Variants in MYH15 observed in about 807,000 individuals in gnomAD.
MYH15 encodes the protein myosin-15.
MYH15 carries 227 observed loss-of-function variants against 240.5 expected under a neutral mutation model. That is an observed-to-expected ratio of 0.94 (90% CI 0.85 to 1.05). The LOEUF (loss-of-function observed/expected upper bound fraction) is 1.05. Ranked by LOEUF, MYH15 falls within the 50% of genes least tolerant of loss-of-function variation. The pLI is 0.00. For synonymous variants in MYH15, 785 were observed against 796.7 expected, an observed-to-expected ratio of 0.99 and a Z score of 0.25; for missense variants, 2,217 against 2,247.5, an observed-to-expected ratio of 0.99 and a Z score of 0.27.
the MYH15 span, among the ~76,000 whole-genome samples, chr3:108,538,953 C>T: frequency 2.0e-5 from 3 of 152,272 alleles, no homozygotes; most frequent in East Asian, 1.9e-4. Flanking sequence ...CAAGAGGGAA[C>T]TGTTCTCACT....
intron 37 of MYH15, 113 bp from the exon 38 acceptor site, chr3:108,389,187 C>T: frequency 1.1e-6 from 1 of 869,862 alleles, no homozygotes; most frequent in South Asian, 1.7e-5. Context: ...CATGCACACA[C>T]TGTTTTTGGT....
At chr3:108,447,050 T>C (rs1056413204) in intron 21 of MYH15, among the ~76,000 whole-genome samples, 24 of 151,810 alleles carry the variant, frequency 1.6e-4, no homozygotes, top group Non-Finnish European at 2.9e-5. Flanking sequence ...AAGAACCACA[T>C]AGAAATTCTG....
chr3:108,465,908 CAGAG>C lies in MYH15; in HGVS notation c.1555-1098_1555-1095del, dbSNP rs1455384299. ...CACCATTGCACTCCAGCTTGAGCAA[CAGAG>C]AGAGACTCTGTCTCAAAAAACAAAA... On this transcript the variant is annotated intron_variant, in intron 14 of 40. Coordinates refer to ENST00000693548, the MANE Select transcript of MYH15 (RefSeq NM_014981.3). Among the ~76,000 whole-genome samples, 9 of 152,024 alleles carry C rather than the reference CAGAG, an allele frequency of 5.9e-5. No individual in the cohort carries two copies. In the East Asian group the frequency reaches 1.5e-3, roughly 26 times the overall value.
At position 108,469,147 on chromosome 3, in the gene MYH15, G is replaced by A. The variant is rs534299123; in HGVS notation, c.1554+895C>T. Among the ~76,000 whole-genome samples the A allele has an allele frequency of 8.5e-5, 13 of 152,338 alleles. No individual in the cohort carries two copies. The South Asian group carries it at 2.5e-3, about 29-fold the overall frequency. On this transcript the variant is annotated intron_variant, in intron 14 of 40. Transcript: ENST00000693548. ...GATCTAAAGCCTAATAAATGAAATTGATAGGACACGGATTGATAAAACCCA... is the reference window on the plus strand; with the variant it reads ...GATCTAAAGCCTAATAAATGAAATTAATAGGACACGGATTGATAAAACCCA...
At chr3:108,388,012 T>C (rs1052533429) in intron 38 of MYH15, among the ~76,000 whole-genome samples, 1 of 152,216 alleles carries the variant, frequency 6.6e-6, no homozygotes, top group African/African-American at 2.4e-5. Flanking sequence ...TCAAAGAAGC[T>C]GTAAAAATGG....
At chr3:108,447,745 A>G (rs1395144948) in intron 21 of MYH15, among the ~76,000 whole-genome samples, 1 of 152,176 alleles carries the variant, frequency 6.6e-6, no homozygotes, top group African/African-American at 2.4e-5. Flanking sequence ...AGTTGAAACA[A>G]AAGGATGCTA....
chr3:108,427,690 G>C (rs1392651593), intron 27 of MYH15, among the ~76,000 whole-genome samples: 1 of 151,558 alleles, frequency 6.6e-6, no homozygotes, highest in Non-Finnish European at 1.5e-5. Flanking sequence ...TTTCTACTCA[G>C]TATGGTATTT....
At chr3:108,453,980 T>TG (rs1560382238) in intron 21 of MYH15, 26 bp downstream of exon 21, 1 of 1,601,860 alleles carries the variant, frequency 6.2e-7, no homozygotes, top group South Asian at 1.1e-5. Flanking sequence ...CCCTAGCAGT[T>TG]GGGGAGCAGG....
intron 37 of MYH15, among the ~76,000 whole-genome samples, chr3:108,390,845 T>A (rs1439548419): frequency 6.6e-6 from 1 of 152,232 alleles, no homozygotes; most frequent in African/African-American, 2.4e-5. Flanking sequence ...GATTTTCCAA[T>A]CAAAACAACT....
At chr3:108,511,150 C>A (rs1052506368), upstream of MYH15, among the ~76,000 whole-genome samples, 2 of 151,884 alleles carry the variant, frequency 1.3e-5, no homozygotes, top group Admixed American at 1.3e-4. Context: ...ATCTAATTAC[C>A]CCCAAGCAGA....
chr3:108,404,173 A>G (rs556397847), intron 33 of MYH15, among the ~76,000 whole-genome samples: 32 of 152,284 alleles, frequency 2.1e-4, no homozygotes, highest in African/African-American at 7.2e-4. Flanking sequence ...AATGCCAGTG[A>G]GTGAGAGCAA....
At chr3:108,383,781 TG>T in intron 39 of MYH15, 52 bp from the exon 40 acceptor site, 1 of 1,411,828 alleles carries the variant, frequency 7.1e-7, no homozygotes, top group African/African-American at 1.5e-5. Context: ...TATAGTCAGG[TG>T]TTTTTTTTTT....
intron 32 of MYH15, 70 bp downstream of exon 32, chr3:108,408,210 C>T: frequency 1.3e-6 from 2 of 1,504,310 alleles, no homozygotes; most frequent in Non-Finnish European, 9.0e-7. Context: ...GTTGGTGCTG[C>T]TGTTATTGCT....
intron 1 of MYH15, among the ~76,000 whole-genome samples, chr3:108,517,826 G>A (rs764963778): frequency 3.9e-5 from 6 of 152,102 alleles, no homozygotes; most frequent in Non-Finnish European, 7.3e-5. Context: ...TAGGATCTGT[G>A]GATTAAAAGA....
rs1299210835 is a variant in MYH15 at position 108,428,524 on chromosome 3, G to A, written c.3670C>T (p.Leu1224=). The A allele has an allele frequency of 1.2e-6, 2 of 1,614,042 alleles. No individual in the cohort carries two copies. The highest frequency in any genetic ancestry group is 2.2e-5 in the South Asian group (2 of 91,070). ...SDLQLEVDDL[L]TRVEQMTRAK... is the part of the protein sequence containing the mutation. The stretch of plus-strand genomic sequence containing the variant: ...CTTGTCATCTGCTCAACACGGGTCA[G>A]GAGGTCATCTACTTCTAGCTGCAAG... Residue 1224 remains leucine, a synonymous_variant, in exon 27 of 41, where the codon CTG becomes TTG. Coordinates refer to ENST00000693548, the MANE Select transcript of MYH15 (RefSeq NM_014981.3).
the MYH15 span, chr3:108,543,625 G>A: frequency 1.3e-5 from 2 of 152,328 alleles, no homozygotes; most frequent in African/African-American, 4.8e-5. Context: ...TCACCGTGTG[G>A]ATGCTGGCCA....
chr3:108,445,822 T>C (rs1203537109), intron 21 of MYH15, among the ~76,000 whole-genome samples: 1 of 144,842 alleles, frequency 6.9e-6, no homozygotes, highest in Non-Finnish European at 1.5e-5. Flanking sequence ...TGAACCACTA[T>C]GACAAAAGGA....
chr3:108,410,508 G>T, intron 31 of MYH15, 75 bp downstream of exon 31: 1 of 1,035,422 alleles, frequency 9.7e-7, no homozygotes, highest in Non-Finnish European at 1.4e-6. Context: ...AAATGCTGAA[G>T]ACAGCCTTGC....
At chr3:108,443,489 T>G (rs1007318243) in intron 22 of MYH15, among the ~76,000 whole-genome samples, 1 of 152,200 alleles carries the variant, frequency 6.6e-6, no homozygotes, top group Non-Finnish European at 1.5e-5. Flanking sequence ...AACACAGCAT[T>G]TTTCAACTTA....
Sources: gnomAD v4.1 joint callset for allele counts (sites outside exome capture counted in the v4.1 genomes callset) on GRCh38, gnomAD v4.1.1 for gene constraint, MANE v1.5 for transcripts, NCBI Gene and HGNC (gene_info 2026-07-23, HGNC 2026-07-21) for gene names.